The following ARHGAP29 variants were observed in gnomAD, a reference collection of about 807,000 sequenced individuals.
ARHGAP29 encodes the protein Rho GTPase activating protein 29, also known as rho GTPase-activating protein 29.
In ARHGAP29, 43 loss-of-function variants were observed where a neutral mutation model predicts 122.6. The observed-to-expected ratio is 0.35, with a 90% CI of 0.27 to 0.45. The LOEUF is 0.45. Among genes scored for constraint, ARHGAP29 ranks in the 20% least tolerant of loss-of-function variants. The pLI is 1.00. For synonymous variants in ARHGAP29, 506 were observed against 497.1 expected (o/e 1.02, Z -0.24); for missense variants, 1,303 against 1,477.2 (o/e 0.88, Z 1.93).
chr1:94,296,226 C>T, the ARHGAP29 span, among the ~76,000 whole-genome samples: 32 of 152,262 alleles, frequency 2.1e-4, no homozygotes, highest in South Asian at 5.2e-3. Context: ...TCCCATTGTC[C>T]GGCATATCCA....
chr1:94,227,361 C>T (rs538112500), intron 2 of ARHGAP29, among the ~76,000 whole-genome samples: 117 of 151,448 alleles, frequency 7.7e-4, no homozygotes, highest in African/African-American at 2.6e-3. Context: ...CTGAAATTGG[C>T]CATACATTTT....
intron 1 of ARHGAP29, among the ~76,000 whole-genome samples, chr1:94,267,869 A>G (rs1458890390): frequency 6.6e-6 from 1 of 152,218 alleles, no homozygotes; most frequent in Non-Finnish European, 1.5e-5. Flanking sequence ...TAATAGTTGT[A>G]TTATTGCATT....
the ARHGAP29 span, among the ~76,000 whole-genome samples, chr1:94,291,171 A>G: frequency 6.6e-6 from 1 of 152,178 alleles, no homozygotes; most frequent in Non-Finnish European, 1.5e-5. Context: ...ACCATTATGT[A>G]ATGGCCTTCT....
intron 1 of ARHGAP29, among the ~76,000 whole-genome samples, chr1:94,243,931 A>C (rs919908172): frequency 6.6e-6 from 1 of 152,016 alleles, no homozygotes; most frequent in Non-Finnish European, 1.5e-5. Context: ...AACTCAGATG[A>C]AATGGAAAAA....
At chr1:94,182,100 T>TA (rs56040000) in intron 19 of ARHGAP29, among the ~76,000 whole-genome samples, 141,281 of 150,676 alleles carry the variant, frequency 0.94, 66,590 homozygotes, top group South Asian at 1. Flanking sequence ...CAAGAATCCT[T>TA]AAAAAAAAAT....
At chr1:94,256,027 G>C (rs1022583027) in intron 1 of ARHGAP29, among the ~76,000 whole-genome samples, 4 of 152,144 alleles carry the variant, frequency 2.6e-5, no homozygotes, top group African/African-American at 9.7e-5. Flanking sequence ...TTCAAAACAA[G>C]TCTGTGAAAT....
In ARHGAP29 at chr1:94,177,720, C is replaced by T; in HGVS notation, c.2797G>A (p.Asp933Asn). 1 of 1,605,310 alleles carries T rather than the reference C, an allele frequency of 6.2e-7. No homozygotes were observed. The change falls in exon 22 of 23, where the codon GAT becomes AAT. Residue 933 changes from aspartate (D) to asparagine (N), a missense_variant and splice_region_variant. Physicochemically the swap from Asp to Asn is conservative, Grantham distance 23. This residue lies in a region of ARHGAP29 where 620 missense variants were observed against 651.2 expected (regional missense o/e 0.95). Coordinates refer to ENST00000260526, the MANE Select transcript of ARHGAP29 (RefSeq NM_004815.4). ...MKSLFFSSKEDIHTSESESKI... is the reference protein window; with the variant it reads ...MKSLFFSSKENIHTSESESKI... ...CTTTCACTCTCTGAAGTATGGATAT[C>T]CTGTTGATGCAAGATAATTTTTAAA...
chr1:94,225,713 A>C (rs939101608), intron 2 of ARHGAP29, among the ~76,000 whole-genome samples: 2 of 152,114 alleles, frequency 1.3e-5, no homozygotes, highest in Non-Finnish European at 2.9e-5. Context: ...ATAACTAAAT[A>C]CAAGATAATT....
At chr1:94,201,338 A>G (rs1397045068) in intron 12 of ARHGAP29, among the ~76,000 whole-genome samples, 1 of 152,184 alleles carries the variant, frequency 6.6e-6, no homozygotes, top group Non-Finnish European at 1.5e-5. Context: ...ACTGAAAATC[A>G]ATCTGCAAAC....
chr1:94,282,084 T>C, the ARHGAP29 span, among the ~76,000 whole-genome samples: 1 of 152,054 alleles, frequency 6.6e-6, no homozygotes, highest in Non-Finnish European at 1.5e-5. Context: ...AAAAAATCTA[T>C]GTTTAAAAAA....
the ARHGAP29 span, among the ~76,000 whole-genome samples, chr1:94,286,484 A>G: frequency 0.28 from 43,189 of 151,968 alleles, 7,018 homozygotes; most frequent in East Asian, 0.46. Flanking sequence ...CCTGGGCAAC[A>G]TGGTAAAACC....
Position 94,190,067 on chromosome 1 carries a change from AAGAG to A in ARHGAP29, c.1294_1297del (p.Leu432SerfsTer50), listed in dbSNP as rs1408456033. ...AGCAGCCTGCAGATGCTGCATGTGGAAGAGGTTAACTGTTACCTATGGACCCAGA... is the reference window on the plus strand; with the variant it reads ...AGCAGCCTGCAGATGCTGCATGTGGAGTTAACTGTTACCTATGGACCCAGA... On this transcript the variant is annotated frameshift_variant, in exon 13 of 23. Transcript: ENST00000260526. LOFTEE classifies it high-confidence loss of function. 1 of 1,613,110 alleles carries A rather than the reference AAGAG, an allele frequency of 6.2e-7. No individual in the cohort carries two copies. The highest frequency in any genetic ancestry group is 8.5e-7 in the Non-Finnish European group (1 of 1,179,468).
At position 94,174,499 on chromosome 1, in the gene ARHGAP29, G is replaced by A; in HGVS notation, c.3156C>T (p.Ala1052=). Residue 1052 remains alanine, a synonymous_variant, in exon 23 of 23, where the codon GCC becomes GCT. Coordinates refer to ENST00000260526, the MANE Select transcript of ARHGAP29 (RefSeq NM_004815.4). ...VNLDKFCKNP[A]FEGVNRKDAA... ...CGTCTTTTCTATTAACTCCTTCAAA[G>A]GCAGGATTCTTGCAAAACTTGTCTA... 1 of 1,614,134 alleles carries A rather than the reference G, an allele frequency of 6.2e-7. No individual in the cohort carries two copies. Among genetic ancestry groups the A allele is most frequent in the Non-Finnish European group, 8.5e-7 (1 of 1,180,034 alleles).
intron 1 of ARHGAP29, chr1:94,248,211 A>G (rs1235477490): frequency 1.3e-5 from 2 of 152,152 alleles, no homozygotes; most frequent in African/African-American, 4.8e-5. Context: ...AGCAAACCAA[A>G]TAAATTACTC....
intron 16 of ARHGAP29, among the ~76,000 whole-genome samples, chr1:94,186,155 C>A (rs1191328653): frequency 1.3e-5 from 2 of 152,122 alleles, no homozygotes; most frequent in Admixed American, 6.5e-5. Context: ...TTTGAAGGAG[C>A]TTTTTAGAAT....
chr1:94,199,135 A>T (rs1650676523), intron 12 of ARHGAP29, among the ~76,000 whole-genome samples: 1 of 152,176 alleles, frequency 6.6e-6, no homozygotes, highest in South Asian at 2.1e-4. Flanking sequence ...AGAAACACCT[A>T]ATGTAAATGA....
intron 1 of ARHGAP29, among the ~76,000 whole-genome samples, chr1:94,266,644 C>T (rs994105956): frequency 2.6e-5 from 4 of 152,130 alleles, no homozygotes; most frequent in African/African-American, 9.7e-5. Flanking sequence ...CCAACTCATT[C>T]CCATAACTCT....
At chr1:94,208,485 A>T (rs1651362082) in intron 5 of ARHGAP29, among the ~76,000 whole-genome samples, 1 of 151,482 alleles carries the variant, frequency 6.6e-6, no homozygotes, top group African/African-American at 2.4e-5. Context: ...TTGGAGACAG[A>T]GTCTCACTCT....
chr1:94,267,038 T>A (rs1557895653), intron 1 of ARHGAP29, among the ~76,000 whole-genome samples: 1 of 152,218 alleles, frequency 6.6e-6, no homozygotes, highest in Non-Finnish European at 1.5e-5. Flanking sequence ...TATGCTATCA[T>A]GCCTTCCTCA....
Sources: gnomAD v4.1 joint callset for allele counts (sites outside exome capture counted in the v4.1 genomes callset) on GRCh38, gnomAD v4.1.1 for gene constraint, gnomAD v4.1.1 regional missense constraint, MANE v1.5 for transcripts, NCBI Gene and HGNC (gene_info 2026-07-23, HGNC 2026-07-21) for gene names.